The following ARL14EP variants were observed in gnomAD, a reference collection of about 807,000 sequenced individuals.
ARL14EP encodes the protein ARL14 effector protein.
Under a neutral mutation model 23.1 loss-of-function variants are expected in ARL14EP, and 12 were observed. The observed-to-expected ratio is 0.52, with a 90% CI of 0.33 to 0.84. ARL14EP has a LOEUF of 0.84. ARL14EP is among the 40% of genes least tolerant of loss of function. The probability of loss-of-function intolerance (pLI) is 0.02; values close to 1 mark genes in which losing one functional copy is unlikely to be tolerated. For synonymous variants in ARL14EP, 97 were observed against 102.0 expected (o/e 0.95, Z 0.29); for missense variants, 253 against 307.3 (o/e 0.82, Z 1.32).
Position 30,337,421 on chromosome 11 carries a change from CA to C in ARL14EP, c.*629del, listed in dbSNP as rs1947342413. ...GTGAACACTCGAAAGAACTGGTCAACAAAGATGAAAGTGCAGCAAAGCAATG... is the reference window on the plus strand; with the variant it reads ...GTGAACACTCGAAAGAACTGGTCAACAAGATGAAAGTGCAGCAAAGCAATG... On this transcript the variant is annotated 3_prime_UTR_variant, in exon 4 of 4. Transcript: ENST00000282032. 6.6e-6 allele frequency: 1 copy of C among 152,314 alleles called. No individual in the cohort carries two copies. The highest frequency in any genetic ancestry group is 6.5e-5 in the Admixed American group (1 of 15,296). The allele number at this position is 152,314 out of a possible 1,614,324, so 9.4% of individuals were successfully genotyped here.
At position 30,334,208 on chromosome 11, in the gene ARL14EP, CTTTTTTTTTTTT is replaced by C. The variant is rs36111177; in HGVS notation, c.554+1229_554+1240del. 7.0e-5 allele frequency among the ~76,000 whole-genome samples: 6 copies of C among 86,042 alleles called. 1 individual carries two copies. The highest frequency in any genetic ancestry group is 1.5e-3 in the East Asian group (2 of 1,362). The allele number at this position is 86,042 out of a possible 152,430, so 56.4% of individuals were successfully genotyped here. On this transcript the variant is annotated intron_variant, in intron 3 of 3. Coordinates refer to ENST00000282032, the MANE Select transcript of ARL14EP (RefSeq NM_152316.3). ...CAGATTTTCAATGTAGACCAGCCTTCTTTTTTTTTTTTTTTTTTTTTTTTTGAGATGGAGTCT... is the reference window on the plus strand; with the variant it reads ...CAGATTTTCAATGTAGACCAGCCTTCTTTTTTTTTTTTTGAGATGGAGTCT...
intron 1 of ARL14EP, chr11:30,327,940 CACTCTA>C (rs10616649): frequency 0.13 from 19,863 of 152,010 alleles, 1,343 homozygotes; most frequent in Non-Finnish European, 0.16. Flanking sequence ...CTCGCCACTG[CACTCTA>C]GCCTGGGCGA....
rs1472231536 is a variant in ARL14EP at position 30,331,183 on chromosome 11, T to A, written c.235T>A (p.Phe79Ile). 1 of 1,613,848 alleles carries A rather than the reference T, an allele frequency of 6.2e-7. No homozygotes were observed. Among genetic ancestry groups the A allele is most frequent in the Non-Finnish European group, 8.5e-7 (1 of 1,179,856 alleles). Residue 79 changes from phenylalanine (F) to isoleucine (I), a missense_variant, in exon 2 of 4, where the codon TTT becomes ATT. Phe to Ile is a conservative substitution (Grantham distance 21). Transcript: ENST00000282032. Reference protein sequence around the residue: ...EDLQKSCCDPFNIHKKLAKKN... With the variant: ...EDLQKSCCDPINIHKKLAKKN... ...TTTACAGAAGTCATGTTGTGACCCA[T>A]TTAACATACACAAGAAATTAGCCAA...
chr11:30,335,939 A>G (rs1947328396), intron 3 of ARL14EP, among the ~76,000 whole-genome samples: 1 of 152,154 alleles, frequency 6.6e-6, no homozygotes. Context: ...TATTTTTTAC[A>G]TGTCTGAAAT....
rs988446335 is a variant in ARL14EP at position 30,338,091 on chromosome 11, A to G, written c.*1296A>G. On this transcript the variant is annotated 3_prime_UTR_variant, in exon 4 of 4. Transcript: ENST00000282032. ...TCGCTTGTAGCTGGGAACAGTGCTTACTTCAGGGAAAACTGATTTTGATAG... is the reference window on the plus strand; with the variant it reads ...TCGCTTGTAGCTGGGAACAGTGCTTGCTTCAGGGAAAACTGATTTTGATAG... The G allele has an allele frequency of 6.6e-6, 1 of 152,192 alleles. No homozygotes were observed. Among genetic ancestry groups the G allele is most frequent in the African/African-American group, 2.4e-5 (1 of 41,460 alleles). The allele number at this position is 152,192 out of a possible 1,614,324, so 9.4% of individuals were successfully genotyped here. A position where few individuals can be genotyped will look rare whatever the true frequency, so the allele number is the denominator to read the frequency against.
intron 1 of ARL14EP, among the ~76,000 whole-genome samples, chr11:30,323,568 A>T (rs1453119922): frequency 6.6e-6 from 1 of 152,028 alleles, no homozygotes; most frequent in Admixed American, 6.5e-5. Flanking sequence ...TTTTGTTTTT[A>T]ATTTTTCAAA....
At position 30,336,860 on chromosome 11, in the gene ARL14EP, A is replaced by G; in HGVS notation, c.*65A>G. The G allele has an allele frequency of 3.6e-6, 5 of 1,398,004 alleles. No individual in the cohort carries two copies. The highest frequency in any genetic ancestry group is 5.0e-6 in the Non-Finnish European group (5 of 993,424). The allele number at this position is 1,398,004 out of a possible 1,614,324, so 86.6% of individuals were successfully genotyped here. ...TTCTAAAAATCTGTTACTCTAAGAT[A>G]CATTTTAAGCTTGATTATCATATGA... On this transcript the variant is annotated 3_prime_UTR_variant, in exon 4 of 4. Coordinates refer to ENST00000282032, the MANE Select transcript of ARL14EP (RefSeq NM_152316.3).
At position 30,336,851 on chromosome 11, in the gene ARL14EP, C is replaced by A; in HGVS notation, c.*56C>A. On this transcript the variant is annotated 3_prime_UTR_variant, in exon 4 of 4. Coordinates refer to ENST00000282032, the MANE Select transcript of ARL14EP (RefSeq NM_152316.3). ...GGTCTTTATTTCTAAAAATCTGTTA[C>A]TCTAAGATACATTTTAAGCTTGATT... is the stretch of plus-strand genomic sequence containing the variant. The A allele has an allele frequency of 7.0e-7, 1 of 1,433,434 alleles. No individual in the cohort carries two copies. Among genetic ancestry groups the A allele is most frequent in the Admixed American group, 1.8e-5 (1 of 56,738 alleles). The allele number at this position is 1,433,434 out of a possible 1,614,324, so 88.8% of individuals were successfully genotyped here. A position where few individuals can be genotyped will look rare whatever the true frequency, so the allele number is the denominator to read the frequency against.
chr11:30,335,311 G>T (rs969590897), intron 3 of ARL14EP, among the ~76,000 whole-genome samples: 2 of 152,226 alleles, frequency 1.3e-5, no homozygotes, highest in African/African-American at 4.8e-5. Flanking sequence ...TACTGGTGAG[G>T]ATGCTGTTAA....
intron 3 of ARL14EP, among the ~76,000 whole-genome samples, chr11:30,333,974 A>C (rs1425569259): frequency 2.6e-5 from 4 of 152,192 alleles, no homozygotes; most frequent in African/African-American, 7.2e-5. Flanking sequence ...AACCAGCTAC[A>C]ACACATTCCC....
chr11:30,336,695 C>T lies in ARL14EP; in HGVS notation c.683C>T (p.Ser228Phe). 1 of 1,614,110 alleles carries T rather than the reference C, an allele frequency of 6.2e-7. No homozygotes were observed. The highest frequency in any genetic ancestry group is 8.5e-7 in the Non-Finnish European group (1 of 1,180,022). The change falls in exon 4 of 4, where the codon TCT becomes TTT. Residue 228 changes from serine (S) to phenylalanine (F), a missense_variant. By Grantham distance (155) the Ser-to-Phe change is radical (BLOSUM62 -2). Coordinates refer to ENST00000282032, the MANE Select transcript of ARL14EP (RefSeq NM_152316.3). ...GCFYACPACG[S>F]TKCGAECRCD... ...TTCTATGCTTGTCCTGCCTGTGGTT[C>T]TACCAAGTGTGGAGCTGAATGCCGC...
At chr11:30,330,760 A>T (rs1203920869) in intron 1 of ARL14EP, 126 bp from the exon 2 acceptor site, 1 of 601,882 alleles carries the variant, frequency 1.7e-6, no homozygotes, top group Non-Finnish European at 2.9e-6. Context: ...CTATTATAAG[A>T]CTTCGATAAA....
intron 1 of ARL14EP, 67 bp downstream of exon 1, chr11:30,323,269 G>A (rs1338440180): frequency 6.5e-6 from 1 of 153,052 alleles, no homozygotes; most frequent in Admixed American, 6.5e-5. Flanking sequence ...TGGGTGGCGA[G>A]GGAGCCCGGC....
Position 30,337,348 on chromosome 11 carries a change from G to C in ARL14EP, c.*553G>C, listed in dbSNP as rs1194000265. The C allele has an allele frequency of 6.3e-6, 1 of 158,204 alleles. No individual in the cohort carries two copies. The highest frequency in any genetic ancestry group is 1.4e-5 in the Non-Finnish European group (1 of 71,698). The allele number at this position is 158,204 out of a possible 1,614,324, so 9.8% of individuals were successfully genotyped here. ...GTTAATTCAGTTCACGTACAGCAGA[G>C]CATGTAGTTATGCTGTCTCTCTGTC... On this transcript the variant is annotated 3_prime_UTR_variant, in exon 4 of 4. Transcript: ENST00000282032.
intron 1 of ARL14EP, chr11:30,328,709 C>A (rs1016804481): frequency 1.3e-5 from 2 of 151,874 alleles, no homozygotes; most frequent in African/African-American, 4.8e-5. Flanking sequence ...CCAGAGTCTT[C>A]TTTTTATATG....
intron 3 of ARL14EP, among the ~76,000 whole-genome samples, chr11:30,333,899 A>G (rs1947307778): frequency 6.6e-6 from 1 of 152,220 alleles, no homozygotes; most frequent in South Asian, 2.1e-4. Flanking sequence ...AACACAAATG[A>G]TAAGAAAGCA....
intron 2 of ARL14EP, chr11:30,331,591 A>G: frequency 7.1e-7 from 1 of 1,402,656 alleles, no homozygotes; most frequent in Non-Finnish European, 9.2e-7. Context: ...GTAATAATAA[A>G]ATATGCCTAA....
In ARL14EP at chr11:30,337,096, A is replaced by C; in HGVS notation, c.*301A>C. On this transcript the variant is annotated 3_prime_UTR_variant, in exon 4 of 4. Coordinates refer to ENST00000282032, the MANE Select transcript of ARL14EP (RefSeq NM_152316.3). ...GTGACCTAGATTTAGTTTAAATACC[A>C]GTTTCCTTACCAGGAAGGAAAGAAA... is the stretch of plus-strand genomic sequence containing the variant. 3.0e-6 allele frequency: 1 copy of C among 334,978 alleles called. No individual in the cohort carries two copies. Among genetic ancestry groups the C allele is most frequent in the South Asian group, 3.5e-5 (1 of 28,788 alleles). 20.8% of individuals were successfully genotyped at this position (334,978 alleles called of 1,614,324 possible).
intron 2 of ARL14EP, among the ~76,000 whole-genome samples, chr11:30,332,381 CAAACAT>C (rs1947292456): frequency 6.6e-6 from 1 of 151,686 alleles, no homozygotes; most frequent in Non-Finnish European, 1.5e-5. Flanking sequence ...CCCCAAATAA[CAAACAT>C]AAACCCTTAA....
Sources: gnomAD v4.1 joint callset for allele counts (sites outside exome capture counted in the v4.1 genomes callset) on GRCh38, gnomAD v4.1.1 for gene constraint, MANE v1.5 for transcripts, NCBI Gene and HGNC (gene_info 2026-07-23, HGNC 2026-07-21) for gene names.